Variants in PACS2 observed in about 807,000 individuals in gnomAD.
PACS2 encodes the protein phosphofurin acidic cluster sorting protein 2.
PACS2 carries 36 observed loss-of-function variants against 113.0 expected under a neutral mutation model. The ratio of observed to expected loss-of-function variants is 0.32; its 90% CI spans 0.24 to 0.42. The LOEUF is 0.42. Ranked by LOEUF, PACS2 falls within the 10% of genes least tolerant of loss-of-function variation. The pLI is 1.00. For missense variants in PACS2, 1,015 were observed against 1,239.5 expected (o/e 0.82, Z 2.72); for synonymous variants, 589 against 536.1 (o/e 1.10, Z -1.36).
chr14:105,387,942 A>G (rs587613150), intron 19 of PACS2, among the ~76,000 whole-genome samples: 1 of 152,318 alleles, frequency 6.6e-6, no homozygotes, highest in Non-Finnish European at 1.5e-5. Context: ...CAACAAGGAT[A>G]GTGGGATGTC....
In PACS2 at chr14:105,376,791, T is replaced by C. The variant is rs781920121; in HGVS notation, c.825T>C (p.Pro275=). ...AGGTCCTGGACTCGGAGCAGGACCC[T>C]GCGGAGCACATCCCCGAGGCAGAGG... The part of the protein sequence containing the change: ...SDEVLDSEQD[P]AEHIPEAEED... Residue 275 remains proline (P), a synonymous_variant, in exon 9 of 25, where the codon CCT becomes CCC. Transcript: ENST00000447393. The surrounding 1 kb of genome is among the most constrained non-coding windows in gnomAD (Gnocchi z 4.7). 2.5e-6 allele frequency: 4 copies of C among 1,613,000 alleles called. No homozygotes were observed. In the South Asian group the frequency reaches 4.4e-5, roughly 18 times the overall value.
chr14:105,372,372 A>G (rs2061188626), intron 8 of PACS2: 1 of 152,244 alleles, frequency 6.6e-6, no homozygotes, highest in Admixed American at 6.5e-5. Flanking sequence ...TCGCAAAAAA[A>G]CTGAGGCTTG....
At chr14:105,349,199 G>A (rs587732183) in intron 2 of PACS2, among the ~76,000 whole-genome samples, 4 of 152,298 alleles carry the variant, frequency 2.6e-5, no homozygotes, top group East Asian at 3.9e-4. Flanking sequence ...AGGTGTCCCC[G>A]CCAACTGTCA....
At chr14:105,309,908 C>A (rs2058300421), upstream of PACS2, among the ~76,000 whole-genome samples, 1 of 151,328 alleles carries the variant, frequency 6.6e-6, no homozygotes, top group Non-Finnish European at 1.5e-5. The surrounding 1 kb of genome is among the most constrained non-coding windows in gnomAD (Gnocchi z 4.0). Context: ...GTCTCAGCCT[C>A]CCGACTAGCT....
chr14:105,310,972 G>A (rs1761227462), upstream of PACS2, among the ~76,000 whole-genome samples: 1 of 152,108 alleles, frequency 6.6e-6, no homozygotes, highest in African/African-American at 2.4e-5. Context: ...GTTTTCTTGA[G>A]ACAGAGTTTC....
chr14:105,353,319 T>C (rs1240592248), intron 3 of PACS2, among the ~76,000 whole-genome samples: 3 of 91,484 alleles, frequency 3.3e-5, no homozygotes, highest in Admixed American at 1.2e-4. Context: ...ATGGGCCCCC[T>C]CGTCACTGTC....
At chr14:105,362,168 C>G (rs1233767842) in intron 4 of PACS2, among the ~76,000 whole-genome samples, 1 of 151,930 alleles carries the variant, frequency 6.6e-6, no homozygotes, top group Non-Finnish European at 1.5e-5. Flanking sequence ...CCTGTCATCC[C>G]AGCACTTTGG....
chr14:105,383,234 G>A, intron 15 of PACS2, 125 bp from the exon 16 acceptor site: 1 of 1,108,368 alleles, frequency 9.0e-7, no homozygotes, highest in South Asian at 1.2e-5. Context: ...GGCAGCTCCA[G>A]GGCAGTTGTG....
intron 1 of PACS2, among the ~76,000 whole-genome samples, chr14:105,333,198 C>G (rs376013089): frequency 2.1e-4 from 32 of 151,690 alleles, no homozygotes; most frequent in African/African-American, 7.1e-4. Flanking sequence ...CCAGTCCCCA[C>G]CCCCTCCTGC....
chr14:105,359,088 C>T (rs1289939021), intron 4 of PACS2, among the ~76,000 whole-genome samples: 3 of 152,152 alleles, frequency 2.0e-5, no homozygotes, highest in African/African-American at 7.2e-5. Context: ...CACGTCCATC[C>T]CTACACGGCG....
intron 22 of PACS2, 103 bp downstream of exon 22, chr14:105,391,869 T>A: frequency 8.0e-7 from 1 of 1,244,656 alleles, no homozygotes; most frequent in Non-Finnish European, 1.1e-6. Flanking sequence ...CCAGGGCACC[T>A]GGCCTGTCAG....
chr14:105,383,602 TTGTGTGGCGTGGCGTGGCGCGG>T, intron 16 of PACS2, 89 bp downstream of exon 16: 1 of 1,319,586 alleles, frequency 7.6e-7, no homozygotes, highest in Non-Finnish European at 1.0e-6. Context: ...GCGTGGCGTG[TTGTGTGGCGTGGCGTGGCGCGG>T]TGTGTCGTGG....
rs781833579 is a variant in PACS2, at chr14:105,381,092, T to C, written c.1261T>C (p.Ser421Pro). 1 of 1,610,316 alleles carries C rather than the reference T, an allele frequency of 6.2e-7. No individual in the cohort carries two copies. Among genetic ancestry groups the C allele is most frequent in the African/African-American group, 1.3e-5 (1 of 74,796 alleles). The change falls in exon 12 of 25, where the codon TCC becomes CCC. Residue 421 changes from serine (S) to proline (P), a missense_variant. By Grantham distance (74) the Ser-to-Pro change is moderately conservative (BLOSUM62 -1). Coordinates refer to ENST00000447393, the MANE Select transcript of PACS2 (RefSeq NM_001100913.3). ...CAAGACAGAGTCCCTTGTCATCCCC[T>C]CCACCAGGTGATGGGGGCTGCACGG... Reference protein sequence around the residue: ...ITKTESLVIPSTRSEGKQAGR... With the variant: ...ITKTESLVIPPTRSEGKQAGR...
chr14:105,392,581 A>G, intron 22 of PACS2, 38 bp from the exon 23 acceptor site: 1 of 1,530,054 alleles, frequency 6.5e-7, no homozygotes, highest in Non-Finnish European at 8.9e-7. Flanking sequence ...ACTAGGCCCA[A>G]AGATGCAGGT....
chr14:105,310,775 A>T (rs796772488), upstream of PACS2, among the ~76,000 whole-genome samples: 42 of 152,342 alleles, frequency 2.8e-4, no homozygotes, highest in African/African-American at 9.9e-4. Flanking sequence ...AATAGGAGAT[A>T]AAGATAAGCA....
rs1555415498 is a variant in PACS2 at position 105,393,242 on chromosome 14, G to T, written c.2503G>T (p.Ala835Ser). ...NKKVMFLPKK[A>S]KDKDVESKSQ... The stretch of plus-strand genomic sequence containing the variant: ...CCCAGTGATGTTTCTGCCCAAGAAA[G>T]CGAAGGACAAGGACGTGGAGTCTAA... The change falls in exon 24 of 25, where the codon GCG (alanine) becomes TCG (serine). Residue 835 changes from alanine to serine, a missense_variant. By Grantham distance (99) the Ala-to-Ser change is moderately conservative (BLOSUM62 1). This residue lies in a region of PACS2 where 859 missense variants were observed against 1,056.8 expected (regional missense o/e 0.81). Coordinates refer to ENST00000447393, the MANE Select transcript of PACS2 (RefSeq NM_001100913.3). The T allele has an allele frequency of 6.2e-7, 1 of 1,612,888 alleles. No individual in the cohort carries two copies. The highest frequency in any genetic ancestry group is 1.1e-5 in the South Asian group (1 of 91,088).
chr14:105,364,223 A>C (rs1261114198), intron 4 of PACS2, among the ~76,000 whole-genome samples: 1 of 152,186 alleles, frequency 6.6e-6, no homozygotes, highest in Admixed American at 6.5e-5. Flanking sequence ...ACTGTAAAAA[A>C]CAGAAGATCA....
At chr14:105,316,393 C>G (rs2058632514) in intron 1 of PACS2, among the ~76,000 whole-genome samples, 1 of 152,208 alleles carries the variant, frequency 6.6e-6, no homozygotes, top group Non-Finnish European at 1.5e-5. Flanking sequence ...TGGCGATTGC[C>G]CCAATGTCAG....
intron 1 of PACS2, among the ~76,000 whole-genome samples, chr14:105,335,343 G>A (rs1042834231): frequency 1.3e-5 from 2 of 151,220 alleles, no homozygotes; most frequent in Non-Finnish European, 1.5e-5. Flanking sequence ...TGTGGCCGGC[G>A]CCTGGCGTGG....
Sources: gnomAD v4.1 joint callset for allele counts (sites outside exome capture counted in the v4.1 genomes callset) on GRCh38, gnomAD v4.1.1 for gene constraint, gnomAD v4.1.1 regional missense constraint, Gnocchi (gnomAD v3.1) non-coding constraint, MANE v1.5 for transcripts, NCBI Gene and HGNC (gene_info 2026-07-23, HGNC 2026-07-21) for gene names.